SPAG16: variants seen among roughly 807,000 people sequenced by gnomAD.
The protein encoded by SPAG16 is sperm-associated antigen 16 protein.
A neutral mutation model predicts 80.4 loss-of-function variants in SPAG16; 86 were observed. The observed-to-expected ratio is 1.07, with a 90% CI of 0.90 to 1.28. The LOEUF (loss-of-function observed/expected upper bound fraction) is 1.28, where lower values mean the gene tolerates loss of function less well. SPAG16 is among the 50% of genes most tolerant of loss of function. The probability of loss-of-function intolerance (pLI) is 0.00; values close to 1 mark genes in which losing one functional copy is unlikely to be tolerated. For synonymous variants in SPAG16, 294 were observed against 265.9 expected (o/e 1.11, Z -1.03); for missense variants, 870 against 765.3 (o/e 1.14, Z -1.61).
At chr2:214,243,185 A>T (rs1689612529) in intron 15 of SPAG16, among the ~76,000 whole-genome samples, 1 of 152,132 alleles carries the variant, frequency 6.6e-6, no homozygotes. Context: ...AGTTTTAATC[A>T]AATTGACTGT....
At chr2:213,584,412 G>T (rs972709010) in intron 10 of SPAG16, among the ~76,000 whole-genome samples, 1 of 152,070 alleles carries the variant, frequency 6.6e-6, no homozygotes, top group African/African-American at 2.4e-5. Flanking sequence ...AGAAAATTAA[G>T]TTTGGGGTTC....
At chr2:213,920,875 G>A (rs1159795581) in intron 11 of SPAG16, among the ~76,000 whole-genome samples, 4 of 152,206 alleles carry the variant, frequency 2.6e-5, no homozygotes, top group East Asian at 1.9e-4. Flanking sequence ...CTGGCATGCT[G>A]CCCCTACCAA....
At chr2:214,041,125 G>A (rs752994463) in intron 13 of SPAG16, among the ~76,000 whole-genome samples, 5 of 150,088 alleles carry the variant, frequency 3.3e-5, no homozygotes, top group African/African-American at 4.9e-5. Context: ...TGGGTATCTC[G>A]TAATTTACTT....
At chr2:213,932,188 A>G (rs1266384656) in intron 12 of SPAG16, among the ~76,000 whole-genome samples, 1 of 18,796 alleles carries the variant, frequency 5.3e-5, no homozygotes, top group African/African-American at 9.7e-5. Context: ...ATATATATAT[A>G]TATATATATA....
chr2:214,014,742 C>T (rs981373753), intron 13 of SPAG16, among the ~76,000 whole-genome samples: 17 of 152,220 alleles, frequency 1.1e-4, no homozygotes, highest in East Asian at 3.9e-4. Flanking sequence ...AAGATCATGA[C>T]GTATTTGATT....
intron 10 of SPAG16, among the ~76,000 whole-genome samples, chr2:213,533,093 T>C (rs1039776226): frequency 2.0e-5 from 3 of 152,208 alleles, no homozygotes; most frequent in African/African-American, 4.8e-5. Context: ...GTAGAATATA[T>C]ACTTCTATGT....
intron 10 of SPAG16, among the ~76,000 whole-genome samples, chr2:213,499,903 C>A (rs2074663570): frequency 6.6e-6 from 1 of 152,144 alleles, no homozygotes; most frequent in African/African-American, 2.4e-5. Context: ...GTCCCTGTTT[C>A]CAGACACTGG....
intron 10 of SPAG16, among the ~76,000 whole-genome samples, chr2:213,597,465 T>C (rs1283473109): frequency 6.6e-6 from 1 of 152,156 alleles, no homozygotes. Context: ...ATTTAACAGT[T>C]ATCATAAATA....
At chr2:214,006,683 G>C (rs1159398857) in intron 12 of SPAG16, among the ~76,000 whole-genome samples, 1 of 152,216 alleles carries the variant, frequency 6.6e-6, no homozygotes, top group Non-Finnish European at 1.5e-5. Flanking sequence ...GTGCTGTCAT[G>C]CTCCATCACT....
At chr2:213,886,452 T>C (rs961234841) in intron 11 of SPAG16, among the ~76,000 whole-genome samples, 1 of 152,008 alleles carries the variant, frequency 6.6e-6, no homozygotes, top group African/African-American at 2.4e-5. Context: ...GAGGCTGTAT[T>C]TGAGGACTGC....
intron 15 of SPAG16, among the ~76,000 whole-genome samples, chr2:214,205,637 C>T (rs1159633260): frequency 6.6e-6 from 1 of 151,906 alleles, no homozygotes; most frequent in African/African-American, 2.4e-5. Context: ...ATATAAAACC[C>T]ATAAATAAAA....
chr2:213,465,926 G>A (rs973804467), intron 9 of SPAG16, among the ~76,000 whole-genome samples: 3 of 152,156 alleles, frequency 2.0e-5, no homozygotes, highest in Non-Finnish European at 2.9e-5. Context: ...TGTTGCTAAA[G>A]GATATTAACA....
Position 213,621,285 on chromosome 2 carries a change from A to G in SPAG16, c.1070+131195A>G, listed in dbSNP as rs548230716. Reference sequence around the variant, plus strand: ...ATCATGGTTTTCCAGGGCAGACACTATATTAATTTTAGTGTCATTTGAAAG... The same window carrying G: ...ATCATGGTTTTCCAGGGCAGACACTGTATTAATTTTAGTGTCATTTGAAAG... On this transcript the variant is annotated intron_variant, in intron 10 of 15. Transcript: ENST00000331683. 2.6e-5 allele frequency among the ~76,000 whole-genome samples: 4 copies of G among 152,332 alleles called. No homozygotes were observed. In the South Asian group the frequency reaches 6.2e-4, roughly 24 times the overall value.
At chr2:213,739,651 G>A (rs1386680412) in intron 10 of SPAG16, among the ~76,000 whole-genome samples, 1 of 152,120 alleles carries the variant, frequency 6.6e-6, no homozygotes, top group Non-Finnish European at 1.5e-5. Context: ...GCCCAGGCTG[G>A]AGCACAATGG....
intron 4 of SPAG16, among the ~76,000 whole-genome samples, chr2:213,310,699 C>T (rs1339847042): frequency 6.6e-6 from 1 of 151,674 alleles, no homozygotes; most frequent in Non-Finnish European, 1.5e-5. Flanking sequence ...TTGAATATCA[C>T]TTAAACAAAA....
chr2:214,185,151 G>A (rs9288489), intron 15 of SPAG16, among the ~76,000 whole-genome samples: 12,554 of 152,016 alleles, frequency 0.083, 1,661 homozygotes, highest in African/African-American at 0.28. Flanking sequence ...AAAAGTGCTC[G>A]TTCTAGAGGC....
At chr2:214,015,801 C>G (rs189104939) in intron 13 of SPAG16, among the ~76,000 whole-genome samples, 180 of 152,042 alleles carry the variant, frequency 1.2e-3, no homozygotes, top group African/African-American at 4.2e-3. Context: ...GGGGGAGGGC[C>G]TTAGAATTTT....
At chr2:214,378,495 T>C (rs1700259810) in intron 15 of SPAG16, among the ~76,000 whole-genome samples, 1 of 152,162 alleles carries the variant, frequency 6.6e-6, no homozygotes, top group Admixed American at 6.6e-5. Flanking sequence ...CTGGTTCCCT[T>C]ATAAGTTTGG....
At chr2:213,397,238 T>C (rs1195532472) in intron 9 of SPAG16, among the ~76,000 whole-genome samples, 2 of 152,310 alleles carry the variant, frequency 1.3e-5, no homozygotes, top group Non-Finnish European at 2.9e-5. Flanking sequence ...GGACTTGATG[T>C]CCACACTCAG....
Sources: gnomAD v4.1 joint callset for allele counts (sites outside exome capture counted in the v4.1 genomes callset) on GRCh38, gnomAD v4.1.1 for gene constraint, MANE v1.5 for transcripts, NCBI Gene and HGNC (gene_info 2026-07-23, HGNC 2026-07-21) for gene names.